The following ABCC6 variants were observed in gnomAD, a reference collection of about 807,000 sequenced individuals.
ABCC6 encodes the protein ATP binding cassette subfamily C member 6.
ABCC6 carries 126 observed loss-of-function variants against 169.5 expected under a neutral mutation model. That is an observed-to-expected ratio of 0.74 (90% CI 0.64 to 0.86). The LOEUF is 0.86. Ranked by LOEUF, ABCC6 falls within the 40% of genes least tolerant of loss-of-function variation. The probability of loss-of-function intolerance (pLI) is 0.00; values close to 1 mark genes in which losing one functional copy is unlikely to be tolerated. For synonymous variants in ABCC6, 752 were observed against 814.7 expected (o/e 0.92, Z 1.31); for missense variants, 1,733 against 1,927.2 (o/e 0.90, Z 1.89).
chr16:16,169,504 G>A (rs7194043), intron 22 of ABCC6, 142 bp downstream of exon 22: 969,336 of 975,028 alleles, frequency 0.99, 482,039 homozygotes, highest in East Asian at 1. Flanking sequence ...TCTTAAGGAC[G>A]CAGATCTTTG....
chr16:16,183,073 T>C, intron 15 of ABCC6, 143 bp from the exon 16 acceptor site: 1 of 1,302,546 alleles, frequency 7.7e-7, no homozygotes, highest in Non-Finnish European at 1.1e-6. Context: ...TCCCAGTCCT[T>C]GTCTAGCTAT....
intron 27 of ABCC6, 170 bp from the exon 28 acceptor site, chr16:16,155,201 T>G: frequency 1.4e-6 from 1 of 733,004 alleles, no homozygotes; most frequent in Non-Finnish European, 2.2e-6. Context: ...CACCCATCAA[T>G]CCATCCAGTC....
chr16:16,185,784 C>T (rs537892567), intron 14 of ABCC6, among the ~76,000 whole-genome samples: 186 of 151,660 alleles, frequency 1.2e-3, no homozygotes, highest in African/African-American at 4.2e-3. Context: ...GACTGTGTCT[C>T]AAAAATACTA....
chr16:16,182,423 T>A lies in ABCC6; in HGVS notation c.2236A>T (p.Ile746Phe). The A allele has an allele frequency of 1.2e-6, 2 of 1,613,848 alleles. No individual in the cohort carries two copies. Among genetic ancestry groups the A allele is most frequent in the Non-Finnish European group, 1.7e-6 (2 of 1,180,004 alleles). ...CCCCAAACTCTCACCTGCTCCCCAATTGAAGTGTGGATTCCCTCAGGGAAG... is the reference window on the plus strand; with the variant it reads ...CCCCAAACTCTCACCTGCTCCCCAAATGAAGTGTGGATTCCCTCAGGGAAG... ...DSFPEGIHTS[I>F]GEQGMNLSGG... The change falls in exon 17 of 31, where the codon ATT becomes TTT. Residue 746 changes from isoleucine (I) to phenylalanine (F), a missense_variant. By Grantham distance (21) the Ile-to-Phe change is conservative. This residue lies in a region of ABCC6 where 1,601 missense variants were observed against 1,635.5 expected (regional missense o/e 0.98). Transcript: ENST00000205557.
In ABCC6 at chr16:16,165,833, G is replaced by A. The variant is rs2152228493; in HGVS notation, c.3096C>T (p.Pro1032=). 1.2e-6 allele frequency: 2 copies of A among 1,613,480 alleles called. No homozygotes were observed. The highest frequency in any genetic ancestry group is 2.2e-5 in the East Asian group (1 of 44,864). ...TGGGTGTCCGCTCAAAGAAGCTGAT[G>A]GGAGATCGCACCACATCCCACAGGA... is the stretch of plus-strand genomic sequence containing the variant. ...QRLLWDVVRS[P]ISFFERTPIG... Residue 1032 remains proline, a synonymous_variant, in exon 23 of 31, where the codon CCC becomes CCT. Transcript: ENST00000205557.
chr16:16,174,629 T>C (rs921527605), intron 20 of ABCC6, among the ~76,000 whole-genome samples: 2 of 151,486 alleles, frequency 1.3e-5, no homozygotes, highest in African/African-American at 4.8e-5. Flanking sequence ...TGGTCACATG[T>C]GCCTGTAGTC....
At chr16:16,206,632 C>G (rs890566599) in intron 7 of ABCC6, among the ~76,000 whole-genome samples, 1 of 151,782 alleles carries the variant, frequency 6.6e-6, no homozygotes, top group Non-Finnish European at 1.5e-5. Flanking sequence ...GCTGACGGAG[C>G]CTGGTCTTTG....
At chr16:16,209,655 G>A (rs1288715945) in intron 6 of ABCC6, among the ~76,000 whole-genome samples, 4 of 151,720 alleles carry the variant, frequency 2.6e-5, no homozygotes, top group Non-Finnish European at 1.5e-5. Flanking sequence ...CTAGGCTGGA[G>A]TGCACTGATG....
intron 20 of ABCC6, 108 bp downstream of exon 20, chr16:16,175,803 C>T (rs2047259416): frequency 7.9e-7 from 1 of 1,261,078 alleles, no homozygotes; most frequent in African/African-American, 1.5e-5. Context: ...GGTTCTCTAT[C>T]CATAATGGTT....
At chr16:16,209,414 G>A (rs1368499741) in intron 6 of ABCC6, among the ~76,000 whole-genome samples, 2 of 152,014 alleles carry the variant, frequency 1.3e-5, no homozygotes, top group South Asian at 4.1e-4. Context: ...TTGTATAAAT[G>A]TATGAGTATA....
At chr16:16,173,452 TG>T in intron 20 of ABCC6, 48 bp from the exon 21 acceptor site, 1 of 1,613,602 alleles carries the variant, frequency 6.2e-7, no homozygotes, top group Non-Finnish European at 8.5e-7. Context: ...CTCCCAATGG[TG>T]GGGTGTATGT....
At chr16:16,159,697 G>A in intron 25 of ABCC6, 114 bp from the exon 26 acceptor site, 1 of 921,628 alleles carries the variant, frequency 1.1e-6, no homozygotes, top group South Asian at 1.4e-5. Context: ...AGTAAAGAGG[G>A]GAGGCAGGAA....
intron 22 of ABCC6, among the ~76,000 whole-genome samples, chr16:16,166,960 A>AC (rs2046898777): frequency 6.6e-6 from 1 of 152,204 alleles, no homozygotes; most frequent in African/African-American, 2.4e-5. Context: ...AACACTGCTG[A>AC]CACCTTGATT....
At chr16:16,167,156 A>G (rs1385903969) in intron 22 of ABCC6, among the ~76,000 whole-genome samples, 1 of 152,136 alleles carries the variant, frequency 6.6e-6, no homozygotes, top group Non-Finnish European at 1.5e-5. Context: ...CCCATGGCCA[A>G]TCCAAACCAC....
chr16:16,156,362 T>C (rs2046553318), intron 27 of ABCC6, among the ~76,000 whole-genome samples: 1 of 152,162 alleles, frequency 6.6e-6, no homozygotes, highest in Non-Finnish European at 1.5e-5. Flanking sequence ...GAAGGATCAA[T>C]AGGAGTTCAA....
chr16:16,188,920 C>T lies in ABCC6; in HGVS notation c.1690G>A (p.Ala564Thr), dbSNP rs1350198802. Residue 564 changes from alanine to threonine, a missense_variant, in exon 13 of 31, where the codon GCA becomes ACA. This residue lies in a region of ABCC6 where 1,601 missense variants were observed against 1,635.5 expected (regional missense o/e 0.98). Transcript: ENST00000205557. Reference protein sequence around the residue: ...HTLVAENAMNAEKAFVTLTVL... With the variant: ...HTLVAENAMNTEKAFVTLTVL... ...GTGAGAGTCACAAAGGCTTTCTCTG[C>T]ATTCATAGCATTCTCGGCCACCAGA... 1 of 1,614,044 alleles carries T rather than the reference C, an allele frequency of 6.2e-7. No individual in the cohort carries two copies. The highest frequency in any genetic ancestry group is 8.5e-7 in the Non-Finnish European group (1 of 1,179,986).
intron 15 of ABCC6, among the ~76,000 whole-genome samples, 169 bp from the exon 16 acceptor site, chr16:16,183,099 G>A (rs1330424970): frequency 6.6e-6 from 1 of 152,168 alleles, no homozygotes; most frequent in African/African-American, 2.4e-5. Flanking sequence ...GAACTATCCT[G>A]TGCACATCTG....
At position 16,165,859 on chromosome 16, in the gene ABCC6, G is replaced by A; in HGVS notation, c.3070C>T (p.Leu1024Phe). The change falls in exon 23 of 31, where the codon CTC (leucine) becomes TTC (phenylalanine). Residue 1024 changes from leucine (L) to phenylalanine (F), a missense_variant. By Grantham distance (22) the Leu-to-Phe change is conservative. Around this residue, in one of 5 missense-constraint regions of ABCC6, gnomAD observed 1,601 missense variants for 1,635.5 expected, o/e 0.98. Coordinates refer to ENST00000205557, the MANE Select transcript of ABCC6 (RefSeq NM_001171.6). ...GGAGATCGCACCACATCCCACAGGA[G>A]CCTCTGGAAGAGCAACCTGGATGCC... ...ARASRLLFQRLLWDVVRSPIS... is the reference protein window; with the variant it reads ...ARASRLLFQRFLWDVVRSPIS... 6.2e-7 allele frequency: 1 copy of A among 1,613,344 alleles called. No individual in the cohort carries two copies. Among genetic ancestry groups the A allele is most frequent in the Non-Finnish European group, 8.5e-7 (1 of 1,180,034 alleles).
intron 14 of ABCC6, among the ~76,000 whole-genome samples, 170 bp downstream of exon 14, chr16:16,186,954 G>C (rs886975671): frequency 5.9e-5 from 9 of 152,108 alleles, no homozygotes; most frequent in Non-Finnish European, 1.0e-4. Context: ...AAGAAGAGCA[G>C]CACGGTGCCA....
Sources: gnomAD v4.1 joint callset for allele counts (sites outside exome capture counted in the v4.1 genomes callset) on GRCh38, gnomAD v4.1.1 for gene constraint, gnomAD v4.1.1 regional missense constraint, MANE v1.5 for transcripts, NCBI Gene and HGNC (gene_info 2026-07-23, HGNC 2026-07-21) for gene names.